The following APC variants were observed in gnomAD, a reference collection of about 807,000 sequenced individuals.
APC encodes APC regulator of Wnt signaling pathway.
In APC, 72 loss-of-function variants were observed where a neutral mutation model predicts 247.0. That is an observed-to-expected ratio of 0.29 (90% CI 0.24 to 0.35). APC has a LOEUF of 0.35. APC is among the 10% of genes least tolerant of loss of function. The pLI is 1.00. For synonymous variants in APC, 1,254 were observed against 1,162.5 expected (o/e 1.08, Z -1.60); for missense variants, 3,400 against 3,360.7 (o/e 1.01, Z -0.29).
intron 1 of APC, 33 bp from the exon 2 acceptor site, chr5:112,754,840 T>C (rs757367039): frequency 6.2e-7 from 1 of 1,608,774 alleles, no homozygotes; most frequent in Non-Finnish European, 8.5e-7. Context: ...AATTTTTTAG[T>C]AGTGAATTTC....
intron 1 of APC, among the ~76,000 whole-genome samples, chr5:112,716,795 G>A (rs540440784): frequency 2.0e-5 from 3 of 152,162 alleles, no homozygotes; most frequent in East Asian, 1.9e-4. Context: ...TTTTATTCTG[G>A]TAGTACTTGC....
At chr5:112,836,175 C>A (rs1048502528) in intron 15 of APC, among the ~76,000 whole-genome samples, 1 of 78,500 alleles carries the variant, frequency 1.3e-5, no homozygotes, top group Non-Finnish European at 3.0e-5. Context: ...TCCCCCCCCC[C>A]CCCCGCCACC....
rs1554085380 is a variant in APC at position 112,839,492 on chromosome 5, A to G, written c.3898A>G (p.Asn1300Asp). 1 of 1,614,230 alleles carries G rather than the reference A, an allele frequency of 6.2e-7. No homozygotes were observed. The change falls in exon 16 of 16, where the codon AAT (asparagine) becomes GAT (aspartate). Residue 1300 changes from asparagine to aspartate, a missense_variant. Coordinates refer to ENST00000257430, the MANE Select transcript of APC (RefSeq NM_000038.6). The surrounding 1 kb of genome is among the most constrained non-coding windows in gnomAD (Gnocchi z 5.0). ...GACGACACAGGAAGCAGATTCTGCT[A>G]ATACCCTGCAAATAGCAGAAATAAA... ...NQTTQEADSA[N>D]TLQIAEIKEK...
chr5:112,733,533 A>T (rs2149675101), upstream of APC, among the ~76,000 whole-genome samples: 1 of 152,310 alleles, frequency 6.6e-6, no homozygotes, highest in Non-Finnish European at 1.5e-5. Context: ...AAGTGCTATG[A>T]ACCATAAAAT....
intron 8 of APC, among the ~76,000 whole-genome samples, chr5:112,814,371 A>C (rs977909377): frequency 3.3e-5 from 5 of 152,150 alleles, no homozygotes; most frequent in African/African-American, 1.2e-4. Flanking sequence ...CAGTTCCCCC[A>C]ATGAAAGCCA....
At chr5:112,780,742 T>G (rs369001704) in intron 5 of APC, 48 bp from the exon 6 acceptor site, 3 of 1,346,396 alleles carry the variant, frequency 2.2e-6, no homozygotes, top group Admixed American at 1.8e-5. Flanking sequence ...TTTTACTGAT[T>G]AACGTAAATA....
At chr5:112,787,745 A>G (rs774995492) in intron 6 of APC, among the ~76,000 whole-genome samples, 34 of 152,178 alleles carry the variant, frequency 2.2e-4, no homozygotes, top group Non-Finnish European at 3.8e-4. Context: ...TGTTATCTGT[A>G]TTAGCCTCAT....
At chr5:112,799,766 T>C (rs935463138) in intron 7 of APC, among the ~76,000 whole-genome samples, 16 of 152,202 alleles carry the variant, frequency 1.1e-4, no homozygotes, top group African/African-American at 3.1e-4. Context: ...TCTACTTTCC[T>C]CCTTATTTTT....
Position 112,838,978 on chromosome 5 carries a change from T to C in APC, c.3384T>C (p.Ser1128=). 6.2e-7 allele frequency: 1 copy of C among 1,614,134 alleles called. No homozygotes were observed. Among genetic ancestry groups the C allele is most frequent in the East Asian group, 2.2e-5 (1 of 44,870 alleles). Residue 1128 remains serine, a synonymous_variant, in exon 16 of 16, where the codon TCT becomes TCC. Coordinates refer to ENST00000257430, the MANE Select transcript of APC (RefSeq NM_000038.6). ...NHGINQNVSQ[S]LCQEDDYEDD... ...GAATTAATCAAAATGTAAGCCAGTC[T>C]TTGTGTCAAGAAGATGACTATGAAG...
At chr5:112,818,146 A>G (rs1762696031) in intron 9 of APC, among the ~76,000 whole-genome samples, 1 of 152,178 alleles carries the variant, frequency 6.6e-6, no homozygotes, top group Admixed American at 6.5e-5. Flanking sequence ...TGGGGGCAAA[A>G]TTGCCCCCAG....
intron 8 of APC, among the ~76,000 whole-genome samples, chr5:112,806,897 C>G (rs542949270): frequency 6.6e-6 from 1 of 152,142 alleles, no homozygotes; most frequent in Admixed American, 6.5e-5. Flanking sequence ...CTTTGGGAGG[C>G]TGAGATGAGT....
chr5:112,814,094 G>A (rs534716242), intron 8 of APC, among the ~76,000 whole-genome samples: 7 of 152,242 alleles, frequency 4.6e-5, no homozygotes, highest in African/African-American at 7.2e-5. Context: ...ATGCAGCAGC[G>A]AACAGAATAA....
chr5:112,778,603 G>T (rs1010850579), intron 5 of APC: 16 of 147,676 alleles, frequency 1.1e-4, no homozygotes, highest in African/African-American at 4.0e-4. Flanking sequence ...CTGGAATGCA[G>T]TGGCGCAATC....
chr5:112,718,560 A>G (rs1427502436), intron 1 of APC, among the ~76,000 whole-genome samples: 5 of 150,714 alleles, frequency 3.3e-5, no homozygotes, highest in Admixed American at 2.6e-4. Flanking sequence ...AATGCAGGCA[A>G]CAAACAACCA....
intron 5 of APC, among the ~76,000 whole-genome samples, chr5:112,776,638 G>C (rs1015240507): frequency 6.6e-6 from 1 of 152,120 alleles, no homozygotes; most frequent in Non-Finnish European, 1.5e-5. Context: ...AGGAGTTCGA[G>C]ACCAGCCTGG....
At chr5:112,732,310 A>G (rs1005831519) in intron 1 of APC, among the ~76,000 whole-genome samples, 1 of 152,176 alleles carries the variant, frequency 6.6e-6, no homozygotes, top group Middle Eastern at 3.2e-3. Flanking sequence ...CCCTGGCAGC[A>G]CATACCAAAG....
At chr5:112,792,169 C>T (rs1561501580) in intron 6 of APC, among the ~76,000 whole-genome samples, 2 of 151,998 alleles carry the variant, frequency 1.3e-5, no homozygotes. Flanking sequence ...TCACTTGAAC[C>T]CGGAAGGCGG....
In APC at chr5:112,840,590, C is replaced by A. The variant is rs1395041025; in HGVS notation, c.4996C>A (p.Pro1666Thr). The A allele has an allele frequency of 6.2e-7, 1 of 1,614,102 alleles. No homozygotes were observed. Among genetic ancestry groups the A allele is most frequent in the Admixed American group, 1.7e-5 (1 of 60,002 alleles). Reference sequence around the variant, plus strand: ...AAGTGATCTAACAATCGAATCCCCTCCAAATGAGTTAGCTGCTGGAGAAGG... The same window carrying A: ...AAGTGATCTAACAATCGAATCCCCTACAAATGAGTTAGCTGCTGGAGAAGG... ...SLSDLTIESP[P>T]NELAAGEGVR... is the part of the protein sequence containing the mutation. The change falls in exon 16 of 16, where the codon CCA becomes ACA. Residue 1666 changes from proline (P) to threonine (T), a missense_variant. Physicochemically the swap from Pro to Thr is conservative, Grantham distance 38 (BLOSUM62 -1). Transcript: ENST00000257430. The surrounding 1 kb of genome is among the most constrained non-coding windows in gnomAD (Gnocchi z 4.1).
intron 10 of APC, among the ~76,000 whole-genome samples, chr5:112,821,505 T>G (rs892233878): frequency 9.5e-5 from 13 of 137,036 alleles, no homozygotes; most frequent in South Asian, 8.8e-4. Flanking sequence ...CCCTGTTTTG[T>G]TTTTTTTTTG....
Sources: allele counts gnomAD v4.1 joint callset (sites outside exome capture counted in the v4.1 genomes callset), GRCh38; gene constraint gnomAD v4.1.1; non-coding constraint Gnocchi (gnomAD v3.1); transcripts MANE v1.5; gene names NCBI Gene and HGNC (gene_info 2026-07-23, HGNC 2026-07-21).